CTNNA3: variants seen among roughly 807,000 people sequenced by gnomAD.
The protein encoded by CTNNA3 is catenin alpha 3.
Under a neutral mutation model 95.7 loss-of-function variants are expected in CTNNA3, and 76 were observed. That is an observed-to-expected ratio of 0.79 (90% CI 0.66 to 0.96). CTNNA3 has a LOEUF of 0.96. Ranked by LOEUF, CTNNA3 falls within the 40% of genes least tolerant of loss-of-function variation. CTNNA3 has a pLI of 0.00. For missense variants in CTNNA3, 1,191 were observed against 1,089.8 expected (o/e 1.09, Z -1.31); for synonymous variants, 431 against 374.4 (o/e 1.15, Z -1.74).
chr10:66,363,190 C>T (rs1030578380), intron 12 of CTNNA3, among the ~76,000 whole-genome samples: 1 of 152,180 alleles, frequency 6.6e-6, no homozygotes, highest in African/African-American at 2.4e-5. Flanking sequence ...AATGTCTTCT[C>T]TTCAAAATAA....
At chr10:65,941,457 C>T (rs1428062502) in intron 17 of CTNNA3, among the ~76,000 whole-genome samples, 2 of 152,170 alleles carry the variant, frequency 1.3e-5, no homozygotes, top group African/African-American at 4.8e-5. Context: ...TATGCCAAGT[C>T]AAGATGCCTG....
intron 15 of CTNNA3, among the ~76,000 whole-genome samples, chr10:66,045,596 G>T (rs972463237): frequency 6.6e-6 from 1 of 152,114 alleles, no homozygotes; most frequent in Non-Finnish European, 1.5e-5. Context: ...CTGCTTAAAA[G>T]TGGAATAAAA....
At chr10:65,961,546 C>A (rs1179252041) in intron 17 of CTNNA3, among the ~76,000 whole-genome samples, 1 of 152,016 alleles carries the variant, frequency 6.6e-6, no homozygotes, top group Non-Finnish European at 1.5e-5. Flanking sequence ...GATATGTGTA[C>A]TGCTGTGATT....
At chr10:65,956,827 A>G (rs1366652587) in intron 17 of CTNNA3, among the ~76,000 whole-genome samples, 4 of 152,190 alleles carry the variant, frequency 2.6e-5, no homozygotes. Context: ...CAATTTTGGA[A>G]TAAGTGCGAC....
intron 14 of CTNNA3, among the ~76,000 whole-genome samples, chr10:66,099,738 G>C (rs2081542533): frequency 6.6e-6 from 1 of 152,242 alleles, no homozygotes; most frequent in African/African-American, 2.4e-5. Context: ...TCTTCCCCTT[G>C]TCAGACAGCT....
chr10:65,984,995 A>G (rs941256816), intron 16 of CTNNA3, among the ~76,000 whole-genome samples: 3 of 151,036 alleles, frequency 2.0e-5, no homozygotes, highest in African/African-American at 4.8e-5. Context: ...ACTAAAAAAA[A>G]GGATTAATAA....
chr10:67,475,271 G>A (rs1847965626), intron 5 of CTNNA3, among the ~76,000 whole-genome samples: 2 of 152,160 alleles, frequency 1.3e-5, no homozygotes, highest in Non-Finnish European at 2.9e-5. Flanking sequence ...TCAGGAAGAG[G>A]AGTTAACCAC....
Position 66,811,426 on chromosome 10 carries a change from G to C in CTNNA3, c.1048-35902C>G, listed in dbSNP as rs73316578. Among the ~76,000 whole-genome samples the C allele has an allele frequency of 5.9e-3, 902 of 152,244 alleles. 9 individuals carry two copies. The highest frequency in any genetic ancestry group is 0.02 in the African/African-American group (842 of 41,560). Reference sequence around the variant, plus strand: ...AATGAAGAGCCAATTCTGAATCTACGCAAGAGGAATTTAAGGAATTTTAAT... The same window carrying C: ...AATGAAGAGCCAATTCTGAATCTACCCAAGAGGAATTTAAGGAATTTTAAT... On this transcript the variant is annotated intron_variant, in intron 7 of 17. Coordinates refer to ENST00000433211, the MANE Select transcript of CTNNA3 (RefSeq NM_013266.4).
chr10:66,660,994 T>C (rs1262011413), intron 9 of CTNNA3, among the ~76,000 whole-genome samples: 1 of 152,172 alleles, frequency 6.6e-6, no homozygotes, highest in African/African-American at 2.4e-5. Flanking sequence ...GTGTTTTTGT[T>C]AGAGTTTGGT....
At chr10:66,468,924 T>C (rs540288128) in intron 11 of CTNNA3, among the ~76,000 whole-genome samples, 60 of 152,044 alleles carry the variant, frequency 3.9e-4, no homozygotes, top group East Asian at 9.7e-4. Context: ...TTTTGATATA[T>C]ATTTTGTTTG....
chr10:67,697,167 T>G (rs1351379261), upstream of CTNNA3, among the ~76,000 whole-genome samples: 1 of 152,206 alleles, frequency 6.6e-6, no homozygotes, highest in Non-Finnish European at 1.5e-5. Context: ...CAACTGTATT[T>G]TTATGTAGCT....
intron 17 of CTNNA3, among the ~76,000 whole-genome samples, chr10:65,950,294 C>A (rs972069316): frequency 6.6e-6 from 1 of 152,190 alleles, no homozygotes; most frequent in African/African-American, 2.4e-5. Flanking sequence ...ATCATCCATA[C>A]AGTCTTGTGC....
At chr10:66,134,420 T>G (rs1467598867) in intron 13 of CTNNA3, among the ~76,000 whole-genome samples, 1 of 152,148 alleles carries the variant, frequency 6.6e-6, no homozygotes, top group African/African-American at 2.4e-5. Flanking sequence ...TTGTAGATAT[T>G]ATAGAAAATA....
intron 12 of CTNNA3, among the ~76,000 whole-genome samples, chr10:66,362,442 G>A (rs2092683061): frequency 6.6e-6 from 1 of 151,884 alleles, no homozygotes; most frequent in South Asian, 2.1e-4. Context: ...CAGGTGCAGT[G>A]GCGCATGCCT....
chr10:66,447,828 G>A (rs1306478464), intron 11 of CTNNA3, among the ~76,000 whole-genome samples: 1 of 151,816 alleles, frequency 6.6e-6, no homozygotes, highest in Non-Finnish European at 1.5e-5. Flanking sequence ...TGACAAATGG[G>A]GTCTAATTAA....
intron 7 of CTNNA3, among the ~76,000 whole-genome samples, chr10:66,811,515 G>A (rs930720201): frequency 6.6e-5 from 10 of 152,108 alleles, no homozygotes; most frequent in Admixed American, 6.5e-4. Flanking sequence ...AGTGGGTTTC[G>A]AAATGGAGTA....
chr10:67,117,439 T>G (rs1259690429), intron 7 of CTNNA3, among the ~76,000 whole-genome samples: 1 of 151,802 alleles, frequency 6.6e-6, no homozygotes, highest in African/African-American at 2.4e-5. Flanking sequence ...CATTGAGGAG[T>G]TGGGACTCAC....
At chr10:66,021,527 C>T (rs1194666834) in intron 15 of CTNNA3, among the ~76,000 whole-genome samples, 1 of 152,088 alleles carries the variant, frequency 6.6e-6, no homozygotes, top group Non-Finnish European at 1.5e-5. Context: ...TGAAAACAAG[C>T]AGTGAACTTT....
At chr10:66,379,457 A>C (rs371149404) in intron 11 of CTNNA3, 105 bp from the exon 12 acceptor site, 1 of 945,840 alleles carries the variant, frequency 1.1e-6, no homozygotes, top group African/African-American at 1.7e-5. Context: ...GATAGAGTGC[A>C]CATTGGAAAT....
Sources: allele counts gnomAD v4.1 joint callset (sites outside exome capture counted in the v4.1 genomes callset), GRCh38; gene constraint gnomAD v4.1.1; transcripts MANE v1.5; gene names NCBI Gene and HGNC (gene_info 2026-07-23, HGNC 2026-07-21).